Variants in PSMD1 observed in about 807,000 individuals in gnomAD.
The protein encoded by PSMD1 is proteasome 26S subunit, non-ATPase 1, also known as 26S proteasome non-ATPase regulatory subunit 1.
A neutral mutation model predicts 119.0 loss-of-function variants in PSMD1; 18 were observed. The observed-to-expected ratio is 0.15, with a 90% CI of 0.10 to 0.22. The LOEUF (loss-of-function observed/expected upper bound fraction) is 0.22. Ranked by LOEUF, PSMD1 falls within the 10% of genes least tolerant of loss-of-function variation. The pLI, the probability that PSMD1 is intolerant of heterozygous loss-of-function variation, is 1.00. For synonymous variants in PSMD1, 374 were observed against 396.6 expected (o/e 0.94, Z 0.68); for missense variants, 702 against 1,158.5 (o/e 0.61, Z 5.72).
chr2:231,077,030 G>A lies in PSMD1; in HGVS notation c.943-4G>A, dbSNP rs1414939238. The stretch of plus-strand genomic sequence containing the variant: ...TTTCATTTTTTTTTTGTTTGTTTTG[G>A]CAGAGTCCAGAGCCTAAGGACCAGA... On this transcript the variant is annotated splice_region_variant and splice_polypyrimidine_tract_variant and intron_variant, in intron 8 of 24. Coordinates refer to ENST00000308696, the MANE Select transcript of PSMD1 (RefSeq NM_002807.4). 1.3e-6 allele frequency: 2 copies of A among 1,578,478 alleles called. No homozygotes were observed. Among genetic ancestry groups the A allele is most frequent in the African/African-American group, 1.4e-5 (1 of 72,064 alleles).
intron 18 of PSMD1, among the ~76,000 whole-genome samples, chr2:231,149,491 C>G (rs140184283): frequency 8.5e-5 from 13 of 152,114 alleles, no homozygotes; most frequent in Non-Finnish European, 1.8e-4. Context: ...AAAAAAATCA[C>G]CATTAACAGT....
chr2:231,171,770 G>A (rs185620252), intron 24 of PSMD1, among the ~76,000 whole-genome samples: 3 of 152,032 alleles, frequency 2.0e-5, no homozygotes, highest in African/African-American at 4.8e-5. Context: ...TGGTCAGGCC[G>A]GTCTCAAGTT....
chr2:231,164,357 A>G (rs915227945), intron 21 of PSMD1, among the ~76,000 whole-genome samples: 3 of 152,184 alleles, frequency 2.0e-5, no homozygotes, highest in African/African-American at 7.2e-5. Flanking sequence ...ACTCCTACCA[A>G]CTGTGTATGA....
chr2:231,133,274 G>A (rs964052167), intron 16 of PSMD1, among the ~76,000 whole-genome samples: 6 of 152,040 alleles, frequency 3.9e-5, no homozygotes, highest in African/African-American at 1.2e-4. Context: ...TTGTAGAGAC[G>A]GGGTTTCACC....
chr2:231,085,115 G>GT lies in PSMD1; in HGVS notation c.1818+2dup. ...AATTCGACGCCTGCTACATGTTGCT[G>GT]TAAGTACTCTGACCTTTCTTGGGAA... On this transcript the variant is annotated splice_donor_variant, in intron 15 of 24. Coordinates refer to ENST00000308696, the MANE Select transcript of PSMD1 (RefSeq NM_002807.4). LOFTEE classifies it high-confidence loss of function. 1 of 1,611,776 alleles carries GT rather than the reference G, an allele frequency of 6.2e-7. No homozygotes were observed. The highest frequency in any genetic ancestry group is 8.5e-7 in the Non-Finnish European group (1 of 1,177,868).
chr2:231,101,258 C>T (rs754819030), intron 16 of PSMD1, among the ~76,000 whole-genome samples: 40 of 152,272 alleles, frequency 2.6e-4, no homozygotes, highest in Non-Finnish European at 3.5e-4. Context: ...AGATAAGTTC[C>T]TTTACATTCC....
chr2:231,169,956 C>T (rs943813302), intron 23 of PSMD1, among the ~76,000 whole-genome samples: 15 of 152,124 alleles, frequency 9.9e-5, no homozygotes, highest in African/African-American at 3.4e-4. Context: ...GTGAAAAACC[C>T]GGGATATCTG....
chr2:231,151,807 T>G (rs1175664291), intron 18 of PSMD1, among the ~76,000 whole-genome samples: 2 of 144,022 alleles, frequency 1.4e-5, no homozygotes, highest in Admixed American at 1.4e-4. Flanking sequence ...ATGAGAATTT[T>G]TTTTTTTTTT....
intron 16 of PSMD1, among the ~76,000 whole-genome samples, chr2:231,135,900 G>A (rs1467256118): frequency 6.6e-6 from 1 of 152,040 alleles, no homozygotes; most frequent in Non-Finnish European, 1.5e-5. Context: ...TCTATTGTAG[G>A]GAAAAATAAT....
chr2:231,164,808 C>G (rs1351839953), intron 21 of PSMD1, among the ~76,000 whole-genome samples: 1 of 151,536 alleles, frequency 6.6e-6, no homozygotes, highest in Non-Finnish European at 1.5e-5. Flanking sequence ...GTTCTATTTT[C>G]CATTGCTTTC....
intron 16 of PSMD1, among the ~76,000 whole-genome samples, chr2:231,097,187 G>A (rs1256326644): frequency 6.6e-6 from 1 of 152,194 alleles, no homozygotes; most frequent in Non-Finnish European, 1.5e-5. Flanking sequence ...AGTAAGTGCT[G>A]TTTTTATGAG....
intron 2 of PSMD1, 91 bp from the exon 3 acceptor site, chr2:231,062,141 TGAGTAAATATTACTGA>T: frequency 1.5e-6 from 1 of 682,948 alleles, no homozygotes; most frequent in Non-Finnish European, 2.5e-6. Context: ...AGTAAAAGTT[TGAGTAAATATTACTGA>T]GGATTTGATC....
intron 22 of PSMD1, among the ~76,000 whole-genome samples, chr2:231,165,537 G>A (rs1696758170): frequency 6.6e-6 from 1 of 152,048 alleles, no homozygotes; most frequent in Non-Finnish European, 1.5e-5. Flanking sequence ...GGTTTTGAAG[G>A]GCAAAGTAGG....
chr2:231,057,159 T>A (rs1275307314), intron 1 of PSMD1, 118 bp downstream of exon 1: 7 of 1,273,702 alleles, frequency 5.5e-6, no homozygotes, highest in African/African-American at 1.6e-5. Flanking sequence ...GGCAGCTTCT[T>A]GCTGCCCAGG....
chr2:231,158,805 T>C (rs905035863), intron 19 of PSMD1, among the ~76,000 whole-genome samples: 3 of 152,320 alleles, frequency 2.0e-5, no homozygotes, highest in African/African-American at 7.2e-5. Flanking sequence ...TCTTTTCCAG[T>C]ATGTTATTCA....
At position 231,170,065 on chromosome 2, in the gene PSMD1, A is replaced by C. The variant is rs1287632095; in HGVS notation, c.2716-501A>C. Reference sequence around the variant, plus strand: ...ATGATTATCATCTCACAAATCATACAGTGTGCATTAGACTGCTTCTCAAAC... The same window carrying C: ...ATGATTATCATCTCACAAATCATACCGTGTGCATTAGACTGCTTCTCAAAC... On this transcript the variant is annotated intron_variant, in intron 23 of 24. Coordinates refer to ENST00000308696, the MANE Select transcript of PSMD1 (RefSeq NM_002807.4). This position sits in a 1 kb window ranked among gnomAD's most constrained non-coding sequence, Gnocchi z 4.1. Among the ~76,000 whole-genome samples, 2 of 152,224 alleles carry C rather than the reference A, an allele frequency of 1.3e-5. No homozygotes were observed. Among genetic ancestry groups the C allele is most frequent in the African/African-American group, 4.8e-5 (2 of 41,458 alleles).
At chr2:231,108,549 C>T in intron 16 of PSMD1, 1 of 1,613,888 alleles carries the variant, frequency 6.2e-7, no homozygotes, top group Non-Finnish European at 8.5e-7. Context: ...TCAGTTTTGT[C>T]ACCTTCATTT....
intron 16 of PSMD1, among the ~76,000 whole-genome samples, chr2:231,127,192 C>G (rs919379984): frequency 1.3e-5 from 2 of 151,558 alleles, no homozygotes; most frequent in African/African-American, 4.9e-5. Flanking sequence ...CCTGCCTACT[C>G]CAGATTTGAG....
chr2:231,152,152 A>G (rs1696390936), intron 18 of PSMD1, among the ~76,000 whole-genome samples: 1 of 152,092 alleles, frequency 6.6e-6, no homozygotes, highest in Non-Finnish European at 1.5e-5. Flanking sequence ...GAATTTAGTG[A>G]TGATTTAATC....
Sources: gnomAD v4.1 joint callset for allele counts (sites outside exome capture counted in the v4.1 genomes callset) on GRCh38, gnomAD v4.1.1 for gene constraint, Gnocchi (gnomAD v3.1) non-coding constraint, MANE v1.5 for transcripts, NCBI Gene and HGNC (gene_info 2026-07-23, HGNC 2026-07-21) for gene names.